Variants in SOX6 observed in about 807,000 individuals in gnomAD.
SOX6 encodes the protein SRY-box transcription factor 6.
SOX6 carries 11 observed loss-of-function variants against 97.8 expected under a neutral mutation model. The ratio of observed to expected loss-of-function variants is 0.11; its 90% CI spans 0.07 to 0.19. The LOEUF (loss-of-function observed/expected upper bound fraction) is 0.19, where lower values mean the gene tolerates loss of function less well. SOX6 is among the 10% of genes least tolerant of loss of function. The pLI is 1.00. For missense variants in SOX6, 810 were observed against 1,039.5 expected, an observed-to-expected ratio of 0.78 and a Z score of 3.04; for synonymous variants, 360 against 371.4, an observed-to-expected ratio of 0.97 and a Z score of 0.35.
At chr11:16,187,662 A>G (rs1167639022) in intron 4 of SOX6, among the ~76,000 whole-genome samples, 1 of 152,174 alleles carries the variant, frequency 6.6e-6, no homozygotes, top group Non-Finnish European at 1.5e-5. Context: ...AGAGAAAAAA[A>G]CACATTCAAG....
At chr11:16,114,494 A>T (rs1849301417) in intron 6 of SOX6, among the ~76,000 whole-genome samples, 1 of 152,210 alleles carries the variant, frequency 6.6e-6, no homozygotes, top group Admixed American at 6.5e-5. Flanking sequence ...TCCTTGTTAG[A>T]TCCGTGTTCC....
At chr11:16,622,133 C>G (rs1348751199) in intron 3 of SOX6, among the ~76,000 whole-genome samples, 2 of 152,110 alleles carry the variant, frequency 1.3e-5, no homozygotes, top group Non-Finnish European at 2.9e-5. Context: ...TGGACCTCTA[C>G]CACACCTTTC....
At chr11:16,483,955 G>A (rs992655412) in intron 4 of SOX6, 20 of 859,858 alleles carry the variant, frequency 2.3e-5, no homozygotes, top group Non-Finnish European at 3.8e-5. Context: ...CTGGGCTGTA[G>A]TTTTATTGTG....
chr11:16,013,537 A>G (rs542122701), intron 13 of SOX6, among the ~76,000 whole-genome samples: 1 of 152,116 alleles, frequency 6.6e-6, no homozygotes, highest in South Asian at 2.1e-4. Context: ...TTCAAGGAAG[A>G]CAGCAAGCAT....
upstream of SOX6, among the ~76,000 whole-genome samples, chr11:16,478,967 A>G (rs1860298234): frequency 1.3e-5 from 2 of 152,212 alleles, no homozygotes; most frequent in Admixed American, 1.3e-4. Flanking sequence ...GGATTGTTCC[A>G]GTTCTCTATT....
chr11:16,494,150 C>A (rs150290144), intron 4 of SOX6, among the ~76,000 whole-genome samples: 3,685 of 152,108 alleles, frequency 0.024, 142 homozygotes, highest in African/African-American at 0.084. Flanking sequence ...CCGAGGTGGG[C>A]AGATCACTAG....
chr11:16,176,070 C>CGGATGGAT lies in SOX6; in HGVS notation c.777+7808_777+7815dup, dbSNP rs71826187. Among the ~76,000 whole-genome samples the CGGATGGAT allele has an allele frequency of 6.2e-3, 913 of 148,422 alleles. 4 individuals carry two copies. Among genetic ancestry groups the CGGATGGAT allele is most frequent in the South Asian group, 8.5e-3 (39 of 4,590 alleles). ...ATGGATGGACGGACAGACGGACGGA[C>CGGATGGAT]GGATGGATGGATGGATGGATGGATG... On this transcript the variant is annotated intron_variant, in intron 6 of 15. Transcript: ENST00000683767.
At chr11:16,283,846 C>A in intron 3 of SOX6, 1 of 368,062 alleles carries the variant, frequency 2.7e-6, no homozygotes, top group Non-Finnish European at 5.3e-6. Context: ...TCTCTAGATT[C>A]ATGTTATTCT....
intron 2 of SOX6, among the ~76,000 whole-genome samples, chr11:16,335,452 T>C (rs949284300): frequency 1.3e-5 from 2 of 152,186 alleles, no homozygotes; most frequent in African/African-American, 2.4e-5. Context: ...ACTATGACTA[T>C]ACACTAGTTA....
Position 16,687,711 on chromosome 11 carries a change from T to G in SOX6, n.429+27119A>C, listed in dbSNP as rs141492883. 8.0e-3 allele frequency among the ~76,000 whole-genome samples: 1,224 copies of G among 152,328 alleles called. 19 individuals carry two copies. The highest frequency in any genetic ancestry group is 0.027 in the African/African-American group (1,112 of 41,578). ...CACCCTGCTTTATTTATTTATAATT[T>G]TTTAGAGTCCAGTTCTTGCTTTGTT... On this transcript the variant is annotated intron_variant and non_coding_transcript_variant, in intron 3 of 5. Transcript: ENST00000524520.
rs1029274693 is a variant in SOX6 at position 15,971,560 on chromosome 11, A to G, written c.*1249T>C. On this transcript the variant is annotated 3_prime_UTR_variant, in exon 16 of 16. Transcript: ENST00000683767. ...ATTCTGGCAAAAGACTTGAGGTCAC[A>G]GTGAACCTCAGGGGCATACCTGTTT... The G allele has an allele frequency of 6.6e-6, 1 of 152,660 alleles. No homozygotes were observed. Among genetic ancestry groups the G allele is most frequent in the African/African-American group, 2.4e-5 (1 of 41,472 alleles). The allele number at this position is 152,660 out of a possible 1,614,324, so 9.5% of individuals were successfully genotyped here.
chr11:16,110,379 C>CA (rs1185105347), intron 7 of SOX6: 2 of 149,684 alleles, frequency 1.3e-5, no homozygotes, highest in East Asian at 3.9e-4. Flanking sequence ...ACAGAGATCA[C>CA]AGGAAGACTG....
At chr11:16,515,227 A>C (rs1860950429) in intron 4 of SOX6, among the ~76,000 whole-genome samples, 2 of 152,114 alleles carry the variant, frequency 1.3e-5, no homozygotes, top group Non-Finnish European at 2.9e-5. Flanking sequence ...TGACTTTTTA[A>C]TGATCGCCAC....
intron 2 of SOX6, among the ~76,000 whole-genome samples, chr11:16,330,246 C>A (rs912855433): frequency 6.6e-6 from 1 of 152,106 alleles, no homozygotes; most frequent in African/African-American, 2.4e-5. Context: ...GCAATTAAAT[C>A]AACATTCTAT....
intron 4 of SOX6, among the ~76,000 whole-genome samples, chr11:16,208,242 GA>G (rs1287164603): frequency 1.3e-5 from 2 of 152,248 alleles, no homozygotes; most frequent in East Asian, 1.9e-4. Context: ...TCTGTCATTT[GA>G]ATTTCATACC....
At chr11:16,192,587 T>C (rs945751142) in intron 4 of SOX6, among the ~76,000 whole-genome samples, 1 of 151,820 alleles carries the variant, frequency 6.6e-6, no homozygotes, top group Non-Finnish European at 1.5e-5. Context: ...TCTGAAGAAC[T>C]TGAAAAAAAA....
intron 1 of SOX6, among the ~76,000 whole-genome samples, chr11:16,437,082 C>T (rs1358976692): frequency 6.8e-6 from 1 of 146,588 alleles, no homozygotes; most frequent in Non-Finnish European, 1.5e-5. Context: ...CATAGTGAGA[C>T]TCCATCTTTA....
At chr11:16,362,101 C>G (rs1463915403) in intron 1 of SOX6, among the ~76,000 whole-genome samples, 1 of 152,118 alleles carries the variant, frequency 6.6e-6, no homozygotes, top group East Asian at 1.9e-4. Context: ...AAATCCCAGT[C>G]CCCTAAAACA....
intron 3 of SOX6, among the ~76,000 whole-genome samples, chr11:16,294,739 A>C (rs1855019833): frequency 6.6e-6 from 1 of 152,030 alleles, no homozygotes; most frequent in Non-Finnish European, 1.5e-5. Context: ...AATTGTTTTT[A>C]TTTGTCATTA....
Sources: allele counts gnomAD v4.1 joint callset (sites outside exome capture counted in the v4.1 genomes callset), GRCh38; gene constraint gnomAD v4.1.1; transcripts MANE v1.5; gene names NCBI Gene and HGNC (gene_info 2026-07-23, HGNC 2026-07-21).